CPA6: variants seen among roughly 807,000 people sequenced by gnomAD.
CPA6 encodes the protein carboxypeptidase B.
CPA6 carries 58 observed loss-of-function variants against 63.3 expected under a neutral mutation model. The observed-to-expected ratio is 0.92, with a 90% CI of 0.74 to 1.14. The LOEUF is 1.14. Ranked by LOEUF, CPA6 falls within the 50% of genes most tolerant of loss-of-function variation. The probability of loss-of-function intolerance (pLI) is 0.00; values close to 1 mark genes in which losing one functional copy is unlikely to be tolerated. For missense variants in CPA6, 565 were observed against 526.6 expected (o/e 1.07, Z -0.71); for synonymous variants, 185 against 179.0 (o/e 1.03, Z -0.27).
chr8:67,623,156 T>C (rs889329620), intron 2 of CPA6, among the ~76,000 whole-genome samples: 3 of 152,182 alleles, frequency 2.0e-5, no homozygotes, highest in Non-Finnish European at 2.9e-5. Context: ...CTGCTTAAAG[T>C]TTTAATTAAG....
chr8:67,543,529 A>C (rs1443865165), intron 2 of CPA6, among the ~76,000 whole-genome samples: 1 of 152,172 alleles, frequency 6.6e-6, no homozygotes, highest in African/African-American at 2.4e-5. Flanking sequence ...CAAAAATAGC[A>C]ATGGGAAGAC....
At chr8:67,448,815 C>T (rs1810493067) in intron 8 of CPA6, among the ~76,000 whole-genome samples, 1 of 151,536 alleles carries the variant, frequency 6.6e-6, no homozygotes, top group Non-Finnish European at 1.5e-5. Context: ...GTCTTTAATC[C>T]TTCTGGATTT....
chr8:67,494,548 G>A (rs929298775), intron 6 of CPA6, among the ~76,000 whole-genome samples: 5 of 151,976 alleles, frequency 3.3e-5, no homozygotes, highest in African/African-American at 9.7e-5. Flanking sequence ...TAGCAAAAGC[G>A]AACAAAGCCC....
rs869189030 is a variant in CPA6 at position 67,660,322 on chromosome 8, GTTTTTTTTTT to G, written c.117-36081_117-36072del. Among the ~76,000 whole-genome samples the G allele has an allele frequency of 5.4e-4, 40 of 73,912 alleles. No individual in the cohort carries two copies. The East Asian group carries it at 0.016, about 30-fold the overall frequency. The allele number at this position is 73,912 out of a possible 152,430, so 48.5% of individuals were successfully genotyped here. A position where few individuals can be genotyped will look rare whatever the true frequency, so the allele number is the denominator to read the frequency against. On this transcript the variant is annotated intron_variant, in intron 1 of 10. Transcript: ENST00000297770. ...ACATGGTAAAAGTTAATTATTGCAG[GTTTTTTTTTT>G]TTTTTTTTTTTTTTTGAGACAGAGT...
chr8:67,633,078 T>G (rs2128988486), intron 1 of CPA6, among the ~76,000 whole-genome samples: 1 of 152,304 alleles, frequency 6.6e-6, no homozygotes, highest in South Asian at 2.1e-4. Flanking sequence ...GATTCATATA[T>G]TTTGATGTGT....
At position 67,685,843 on chromosome 8, in the gene CPA6, G is replaced by A. The variant is rs75973340; in HGVS notation, c.116+60171C>T. ...CTTGACCACTGTTTCTGCCTGGAAT[G>A]TTCTTCCAGTTATAGACATGGTTTG... is the stretch of plus-strand genomic sequence containing the variant. On this transcript the variant is annotated intron_variant, in intron 1 of 10. Coordinates refer to ENST00000297770, the MANE Select transcript of CPA6 (RefSeq NM_020361.5). Among the ~76,000 whole-genome samples the A allele has an allele frequency of 5.7e-3, 873 of 152,232 alleles. 7 individuals carry two copies. Among genetic ancestry groups the A allele is most frequent in the African/African-American group, 0.02 (821 of 41,518 alleles).
At chr8:67,583,357 C>T (rs1813826427) in intron 2 of CPA6, among the ~76,000 whole-genome samples, 1 of 151,994 alleles carries the variant, frequency 6.6e-6, no homozygotes, top group Admixed American at 6.6e-5. Context: ...TTTAATTAGG[C>T]CTGAGTAGAT....
intron 8 of CPA6, among the ~76,000 whole-genome samples, chr8:67,442,819 C>G (rs903086138): frequency 6.6e-6 from 1 of 152,136 alleles, no homozygotes; most frequent in Non-Finnish European, 1.5e-5. Flanking sequence ...TCTCATCAAG[C>G]CCACATTTCC....
intron 2 of CPA6, among the ~76,000 whole-genome samples, chr8:67,599,963 T>G (rs1201515333): frequency 2.6e-5 from 4 of 152,132 alleles, no homozygotes; most frequent in Non-Finnish European, 4.4e-5. Context: ...TGGTAGAAAC[T>G]AGATTTCTTC....
chr8:67,541,895 T>C (rs1472849766), intron 2 of CPA6, among the ~76,000 whole-genome samples: 1 of 152,222 alleles, frequency 6.6e-6, no homozygotes, highest in Non-Finnish European at 1.5e-5. Flanking sequence ...ATCACCTGCC[T>C]TCTGCATTGG....
At chr8:67,623,395 T>G (rs930475760) in intron 2 of CPA6, among the ~76,000 whole-genome samples, 2 of 152,042 alleles carry the variant, frequency 1.3e-5, no homozygotes, top group Admixed American at 6.6e-5. Context: ...AGATAATGTG[T>G]CAGATAGAAA....
chr8:67,468,824 C>G (rs563674186), intron 8 of CPA6, among the ~76,000 whole-genome samples: 1 of 152,220 alleles, frequency 6.6e-6, no homozygotes, highest in East Asian at 1.9e-4. Context: ...ACTACTGCTT[C>G]CTGTCATCCT....
intron 2 of CPA6, among the ~76,000 whole-genome samples, chr8:67,572,629 G>T (rs868351425): frequency 1.3e-5 from 2 of 152,038 alleles, no homozygotes; most frequent in Admixed American, 6.5e-5. Context: ...CTTTTATAGC[G>T]ACACAAAATG....
chr8:67,586,928 A>G (rs1030004800), intron 2 of CPA6, among the ~76,000 whole-genome samples: 7 of 152,238 alleles, frequency 4.6e-5, no homozygotes, highest in Non-Finnish European at 8.8e-5. Context: ...TGTTATTGGT[A>G]ATAGTATGAT....
intron 8 of CPA6, among the ~76,000 whole-genome samples, chr8:67,462,538 C>T (rs1297888032): frequency 6.6e-6 from 1 of 152,166 alleles, no homozygotes; most frequent in East Asian, 1.9e-4. Flanking sequence ...CTAAAAGAAT[C>T]ACTTAATTAG....
At chr8:67,503,867 T>A (rs1439404217) in intron 6 of CPA6, among the ~76,000 whole-genome samples, 1 of 152,138 alleles carries the variant, frequency 6.6e-6, no homozygotes, top group Non-Finnish European at 1.5e-5. Flanking sequence ...AAGCTGCGCA[T>A]GCATTAGGTA....
At chr8:67,496,521 A>ATATG (rs1811715989) in intron 6 of CPA6, among the ~76,000 whole-genome samples, 1 of 14,382 alleles carries the variant, frequency 7.0e-5, no homozygotes, top group African/African-American at 1.3e-4. Flanking sequence ...TATATAGTTT[A>ATATG]TATATATATA....
At chr8:67,496,537 A>G (rs1266741082) in intron 6 of CPA6, among the ~76,000 whole-genome samples, 1 of 138,406 alleles carries the variant, frequency 7.2e-6, no homozygotes, top group East Asian at 2.1e-4. Context: ...ATATATATAT[A>G]TATATATATA....
rs1043671835 is a variant in CPA6, at chr8:67,654,125, G to A, written c.117-29874C>T. 1.1e-3 allele frequency among the ~76,000 whole-genome samples: 162 copies of A among 152,110 alleles called. 1 individual carries two copies. Among genetic ancestry groups the A allele is most frequent in the Non-Finnish European group, 1.9e-3 (127 of 68,032 alleles). ...TCATGGTGGATAAGCTTTTTGATGTGCTGCTGGATTCCATTTGCCAGTATT... is the reference window on the plus strand; with the variant it reads ...TCATGGTGGATAAGCTTTTTGATGTACTGCTGGATTCCATTTGCCAGTATT... On this transcript the variant is annotated intron_variant, in intron 1 of 10. Coordinates refer to ENST00000297770, the MANE Select transcript of CPA6 (RefSeq NM_020361.5).
Sources: gnomAD v4.1 joint callset for allele counts (sites outside exome capture counted in the v4.1 genomes callset) on GRCh38, gnomAD v4.1.1 for gene constraint, MANE v1.5 for transcripts, NCBI Gene and HGNC (gene_info 2026-07-23, HGNC 2026-07-21) for gene names.